Variants in RGS6 observed in about 807,000 individuals in gnomAD.
RGS6 encodes regulator of G protein signaling 6.
Under a neutral mutation model 78.5 loss-of-function variants are expected in RGS6, and 30 were observed. The ratio of observed to expected loss-of-function variants is 0.38; its 90% confidence interval spans 0.29 to 0.52. The LOEUF (loss-of-function observed/expected upper bound fraction) is 0.52. RGS6 is among the 20% of genes least tolerant of loss of function. RGS6 has a pLI of 0.85. For missense variants in RGS6, 495 were observed against 609.7 expected (o/e 0.81, Z 1.98); for synonymous variants, 206 against 206.0 (o/e 1.00, Z 0.00).
chr14:72,233,641 T>C (rs1213962571), intron 2 of RGS6, among the ~76,000 whole-genome samples: 2 of 152,204 alleles, frequency 1.3e-5, no homozygotes, highest in African/African-American at 4.8e-5. Flanking sequence ...AGCTGTTTTT[T>C]AGTGTGTGTT....
chr14:72,541,666 C>T, intron 17 of RGS6: 1 of 1,523,610 alleles, frequency 6.6e-7, no homozygotes, highest in Non-Finnish European at 8.8e-7. Flanking sequence ...TGAGGACTGG[C>T]TACTGTGCGG....
the RGS6 span, among the ~76,000 whole-genome samples, chr14:71,897,889 A>AT: frequency 2.9e-3 from 420 of 145,002 alleles, 2 homozygotes; most frequent in African/African-American, 4.4e-3. Context: ...TCACTTAAAC[A>AT]TTTTTTTTTT....
chr14:72,475,746 G>T (rs1443408828), intron 10 of RGS6, among the ~76,000 whole-genome samples: 1 of 151,522 alleles, frequency 6.6e-6, no homozygotes. Flanking sequence ...AAATTCCAAA[G>T]AGTGGAGATG....
At chr14:72,151,785 A>G (rs989760323) in intron 2 of RGS6, among the ~76,000 whole-genome samples, 1 of 152,204 alleles carries the variant, frequency 6.6e-6, no homozygotes, top group African/African-American at 2.4e-5. Context: ...CCCATGAGGC[A>G]GCAGTTTTTA....
At chr14:72,048,818 CA>C (rs2093042602) in intron 2 of RGS6, among the ~76,000 whole-genome samples, 1 of 151,894 alleles carries the variant, frequency 6.6e-6, no homozygotes, top group Non-Finnish European at 1.5e-5. Context: ...ATAGCCATTG[CA>C]GTAATTTTTT....
intron 2 of RGS6, among the ~76,000 whole-genome samples, chr14:72,298,203 T>G (rs1188614317): frequency 6.6e-6 from 1 of 152,028 alleles, no homozygotes; most frequent in Non-Finnish European, 1.5e-5. Flanking sequence ...TAAAATGCTT[T>G]TTCTGCATCT....
intron 2 of RGS6, among the ~76,000 whole-genome samples, chr14:72,166,120 ACACACACACACACAC>A (rs1216946866): frequency 2.6e-5 from 4 of 151,780 alleles, no homozygotes; most frequent in Middle Eastern, 3.4e-3. Flanking sequence ...ACACACACAC[ACACACACACACACAC>A]ACAGACTGAC....
At chr14:72,388,796 C>T (rs919025146) in intron 3 of RGS6, among the ~76,000 whole-genome samples, 4 of 152,178 alleles carry the variant, frequency 2.6e-5, no homozygotes, top group African/African-American at 7.2e-5. Flanking sequence ...TACTTTACTT[C>T]TTTGTGCTTT....
the RGS6 span, among the ~76,000 whole-genome samples, chr14:71,882,935 A>G: frequency 6.6e-6 from 1 of 152,202 alleles, no homozygotes; most frequent in Non-Finnish European, 1.5e-5. Context: ...CAAACAGCCA[A>G]GAAACCCTTG....
intron 5 of RGS6, 82 bp from the exon 6 acceptor site, chr14:72,459,550 T>C (rs991110738): frequency 3.1e-6 from 4 of 1,298,768 alleles, no homozygotes; most frequent in Non-Finnish European, 4.5e-6. Flanking sequence ...GAGCCTGCCA[T>C]CAGGGAGGCT....
intron 2 of RGS6, among the ~76,000 whole-genome samples, chr14:72,258,208 T>C (rs1484394445): frequency 3.9e-5 from 6 of 152,216 alleles, no homozygotes; most frequent in African/African-American, 1.4e-4. Flanking sequence ...TGAGGTCTCC[T>C]CCAGGACATG....
chr14:72,332,327 A>T (rs1427048086), intron 2 of RGS6, among the ~76,000 whole-genome samples: 4 of 152,248 alleles, frequency 2.6e-5, no homozygotes, highest in Admixed American at 6.5e-5. Flanking sequence ...GTTTGCCTGC[A>T]TGCTGTGAAT....
chr14:72,295,483 C>T (rs1048837927), intron 2 of RGS6, among the ~76,000 whole-genome samples: 2 of 151,830 alleles, frequency 1.3e-5, no homozygotes, highest in Non-Finnish European at 2.9e-5. Flanking sequence ...CAGTTTGGAG[C>T]CACTGATCTC....
intron 2 of RGS6, among the ~76,000 whole-genome samples, chr14:72,124,383 A>G (rs1283396217): frequency 6.6e-6 from 1 of 152,188 alleles, no homozygotes; most frequent in Non-Finnish European, 1.5e-5. Context: ...TTAATAACGA[A>G]CACAATACAC....
At chr14:72,351,776 A>G (rs2079147570) in intron 2 of RGS6, among the ~76,000 whole-genome samples, 1 of 152,228 alleles carries the variant, frequency 6.6e-6, no homozygotes, top group African/African-American at 2.4e-5. Flanking sequence ...GAAAAGAAGG[A>G]GACTGTGATC....
chr14:71,952,440 C>G (rs2092411666), intron 1 of RGS6, among the ~76,000 whole-genome samples: 1 of 151,572 alleles, frequency 6.6e-6, no homozygotes, highest in Non-Finnish European at 1.5e-5. Flanking sequence ...TCCTCATTGC[C>G]TTGGGAGCTC....
intron 2 of RGS6, among the ~76,000 whole-genome samples, chr14:72,057,776 C>A (rs1040502433): frequency 6.6e-6 from 1 of 152,148 alleles, no homozygotes; most frequent in Admixed American, 6.5e-5. Flanking sequence ...GTCAGCAGCT[C>A]AAGAGACAGA....
intron 2 of RGS6, among the ~76,000 whole-genome samples, chr14:72,034,892 G>A (rs2091455063): frequency 6.6e-6 from 1 of 151,992 alleles, no homozygotes; most frequent in South Asian, 2.1e-4. Flanking sequence ...GCAGTTTCAG[G>A]TACTGGCAGT....
At chr14:71,922,120 GT>G in the RGS6 span, among the ~76,000 whole-genome samples, 2 of 152,204 alleles carry the variant, frequency 1.3e-5, no homozygotes, top group Non-Finnish European at 2.9e-5. Context: ...ACCAAGTGCT[GT>G]TCTCCAGCAA....
Sources: gnomAD v4.1 joint callset for allele counts (sites outside exome capture counted in the v4.1 genomes callset) on GRCh38, gnomAD v4.1.1 for gene constraint, MANE v1.5 for transcripts, NCBI Gene and HGNC (gene_info 2026-07-23, HGNC 2026-07-21) for gene names.